Variants in CMTR1 observed in about 807,000 individuals in gnomAD.
CMTR1 encodes the protein cap methyltransferase 1, also known as cap-specific mRNA (nucleoside-2'-O-)-methyltransferase 1.
Under a neutral mutation model 107.0 loss-of-function variants are expected in CMTR1, and 39 were observed. That is an observed-to-expected ratio of 0.36 (90% CI 0.28 to 0.48). The LOEUF is 0.48. Among genes scored for constraint, CMTR1 ranks in the 20% least tolerant of loss-of-function variants. The pLI is 0.99. For missense variants in CMTR1, 672 were observed against 1,064.9 expected (o/e 0.63, Z 5.14); for synonymous variants, 366 against 379.5 (o/e 0.96, Z 0.41).
At chr6:37,466,769 G>T (rs1391465222) in intron 13 of CMTR1, among the ~76,000 whole-genome samples, 2 of 152,012 alleles carry the variant, frequency 1.3e-5, no homozygotes, top group African/African-American at 4.8e-5. Flanking sequence ...AGATTATTTT[G>T]GCTATTTGGT....
chr6:37,464,877 T>C (rs2113883656), intron 13 of CMTR1, among the ~76,000 whole-genome samples: 1 of 148,422 alleles, frequency 6.7e-6, no homozygotes, highest in African/African-American at 2.5e-5. Flanking sequence ...AAATACCACA[T>C]AGTTTTCTAA....
At chr6:37,430,203 T>C (rs1419168301), upstream of CMTR1, among the ~76,000 whole-genome samples, 1 of 152,190 alleles carries the variant, frequency 6.6e-6, no homozygotes, top group Admixed American at 6.5e-5. Context: ...TCTGGTTTCC[T>C]TTCTCCATAT....
intron 1 of CMTR1, among the ~76,000 whole-genome samples, chr6:37,434,657 T>C (rs907654889): frequency 2.6e-5 from 4 of 152,210 alleles, no homozygotes; most frequent in African/African-American, 7.2e-5. Flanking sequence ...GGAGTCTTGC[T>C]CTGTCGCCCA....
In CMTR1 at chr6:37,474,600, G is replaced by A. The variant is rs1204927438; in HGVS notation, c.1898G>A (p.Arg633Gln). The A allele has an allele frequency of 1.2e-6, 2 of 1,614,064 alleles. No individual in the cohort carries two copies. Among genetic ancestry groups the A allele is most frequent in the Non-Finnish European group, 8.5e-7 (1 of 1,179,972 alleles). The change falls in exon 18 of 24, where the codon CGG becomes CAG. Residue 633 changes from arginine (R) to glutamine (Q), a missense_variant. Physicochemically the swap from Arg to Gln is conservative, Grantham distance 43 (BLOSUM62 1). This residue lies in a region of CMTR1 where 583 missense variants were observed against 968.4 expected (regional missense o/e 0.60). Transcript: ENST00000373451. ...CTAGACCTGAAGACAGAGCTGCCCCGGGACACTCTGCTATCTGTGGAAATT... is the reference window on the plus strand; with the variant it reads ...CTAGACCTGAAGACAGAGCTGCCCCAGGACACTCTGCTATCTGTGGAAATT... ...IKLDLKTELP[R>Q]DTLLSVEIVH... is the part of the protein sequence containing the mutation.
intron 2 of CMTR1, among the ~76,000 whole-genome samples, chr6:37,439,989 G>A (rs1562116279): frequency 1.3e-5 from 2 of 152,172 alleles, no homozygotes; most frequent in Non-Finnish European, 2.9e-5. Context: ...TCCCATTGCT[G>A]TATTGCCATG....
At position 37,481,388 on chromosome 6, in the gene CMTR1, A is replaced by G; in HGVS notation, c.*1243A>G. 8.4e-7 allele frequency: 1 copy of G among 1,187,162 alleles called. No individual in the cohort carries two copies. The highest frequency in any genetic ancestry group is 3.9e-4 in the Middle Eastern group (1 of 2,578). The allele number at this position is 1,187,162 out of a possible 1,614,324, so 73.5% of individuals were successfully genotyped here. The stretch of plus-strand genomic sequence containing the variant: ...TCACCATGGGGGTCCTTCAGCCAGC[A>G]TCCAGCTCCCCACCCCCAGGCTGGC... On this transcript the variant is annotated 3_prime_UTR_variant, in exon 24 of 24. Transcript: ENST00000373451.
At chr6:37,477,524 C>A in intron 20 of CMTR1, 68 bp from the exon 21 acceptor site, 1 of 1,454,528 alleles carries the variant, frequency 6.9e-7, no homozygotes, top group South Asian at 1.1e-5. Flanking sequence ...CTCCTGCCTC[C>A]CAGCTGCCTC....
chr6:37,438,025 C>A (rs946792790), intron 2 of CMTR1, among the ~76,000 whole-genome samples: 3 of 152,212 alleles, frequency 2.0e-5, no homozygotes, highest in Non-Finnish European at 4.4e-5. Flanking sequence ...ACTCTTCCCC[C>A]TTCTCTGGAA....
At chr6:37,448,210 CA>C (rs11397206) in intron 4 of CMTR1, among the ~76,000 whole-genome samples, 24 of 91,092 alleles carry the variant, frequency 2.6e-4, no homozygotes, top group East Asian at 3.7e-4. Flanking sequence ...GATTCCGTCT[CA>C]AAAAAAAAAA....
chr6:37,468,460 T>C (rs1242521524), intron 13 of CMTR1, among the ~76,000 whole-genome samples: 1 of 152,262 alleles, frequency 6.6e-6, no homozygotes, highest in African/African-American at 2.4e-5. Context: ...ACCTTTCTGG[T>C]GTTCTTCATT....
chr6:37,425,937 C>G, the CMTR1 span, among the ~76,000 whole-genome samples: 1 of 152,146 alleles, frequency 6.6e-6, no homozygotes, highest in Non-Finnish European at 1.5e-5. Context: ...TCCGTGGTGT[C>G]CCAGAGGCCC....
At chr6:37,476,667 T>A (rs1561793892) in intron 20 of CMTR1, among the ~76,000 whole-genome samples, 1 of 152,050 alleles carries the variant, frequency 6.6e-6, no homozygotes, top group African/African-American at 2.4e-5. Flanking sequence ...TCCAGGACCC[T>A]GAGAGAGAAA....
At chr6:37,473,714 T>C in intron 17 of CMTR1, 113 bp downstream of exon 17, 1 of 1,291,472 alleles carries the variant, frequency 7.7e-7, no homozygotes, top group Non-Finnish European at 1.1e-6. Flanking sequence ...TAAGTAGCTG[T>C]TGCTTTGACC....
At chr6:37,471,515 T>C (rs1358853784) in intron 14 of CMTR1, among the ~76,000 whole-genome samples, 1 of 152,174 alleles carries the variant, frequency 6.6e-6, no homozygotes, top group Admixed American at 6.5e-5. Flanking sequence ...GTGGCCTGTG[T>C]CAGCAGAAGA....
rs1044225735 is a variant in CMTR1 at position 37,444,064 on chromosome 6, T to C, written c.199T>C (p.Phe67Leu). 6.2e-7 allele frequency: 1 copy of C among 1,614,190 alleles called. No homozygotes were observed. Among genetic ancestry groups the C allele is most frequent in the Non-Finnish European group, 8.5e-7 (1 of 1,180,024 alleles). ...GGGGAAACAACACAGCTCTGACTCT[T>C]TTGACGATGCATTCAAAGCAGACTC... ...TEGKQHSSDS[F>L]DDAFKADSLV... The change falls in exon 3 of 24, where the codon TTT (phenylalanine) becomes CTT (leucine). Residue 67 changes from phenylalanine to leucine, a missense_variant. By Grantham distance (22) the Phe-to-Leu change is conservative. Coordinates refer to ENST00000373451, the MANE Select transcript of CMTR1 (RefSeq NM_015050.3).
intron 8 of CMTR1, among the ~76,000 whole-genome samples, chr6:37,455,301 A>G (rs1761268813): frequency 6.6e-6 from 1 of 151,568 alleles, no homozygotes; most frequent in African/African-American, 2.4e-5. Flanking sequence ...CTGGTATTAA[A>G]CTCCCGACCT....
At chr6:37,455,165 A>G (rs576177044) in intron 8 of CMTR1, among the ~76,000 whole-genome samples, 2 of 151,574 alleles carry the variant, frequency 1.3e-5, no homozygotes, top group East Asian at 1.9e-4. Flanking sequence ...GCTCACCTCA[A>G]CCTCCGCCTC....
At chr6:37,462,751 T>C (rs554797901) in intron 12 of CMTR1, 78 bp from the exon 13 acceptor site, 59 of 1,401,060 alleles carry the variant, frequency 4.2e-5, no homozygotes, top group Middle Eastern at 5.0e-4. Context: ...GCTTTGTGAT[T>C]CCACAAGGGG....
At chr6:37,474,852 C>T (rs1222879729) in intron 18 of CMTR1, among the ~76,000 whole-genome samples, 1 of 152,162 alleles carries the variant, frequency 6.6e-6, no homozygotes, top group South Asian at 2.1e-4. Context: ...AGTCTCCGTG[C>T]GTCAGAGGAG....
Sources: allele counts gnomAD v4.1 joint callset (sites outside exome capture counted in the v4.1 genomes callset), GRCh38; gene constraint gnomAD v4.1.1; regional missense constraint gnomAD v4.1.1; transcripts MANE v1.5; gene names NCBI Gene and HGNC (gene_info 2026-07-23, HGNC 2026-07-21).